Variants in RBFOX1 observed in about 807,000 individuals in gnomAD.
The protein encoded by RBFOX1 is RNA binding protein fox-1 homolog 1.
Under a neutral mutation model 57.7 loss-of-function variants are expected in RBFOX1, and 8 were observed. The ratio of observed to expected loss-of-function variants is 0.14; its 90% confidence interval spans 0.08 to 0.25. RBFOX1 has a LOEUF of 0.25. Ranked by LOEUF, RBFOX1 falls within the 10% of genes least tolerant of loss-of-function variation. RBFOX1 has a pLI of 1.00. For missense variants in RBFOX1, 611 were observed against 548.5 expected (o/e 1.11, Z -1.14); for synonymous variants, 326 against 222.4 (o/e 1.47, Z -4.15).
At chr16:6,601,214 G>T (rs1483382367) in intron 2 of RBFOX1, among the ~76,000 whole-genome samples, 6 of 152,116 alleles carry the variant, frequency 3.9e-5, no homozygotes, top group East Asian at 1.9e-4. Flanking sequence ...TGAAATGGAA[G>T]AGTCTTTTTT....
At chr16:6,412,742 C>G (rs2093499032) in intron 2 of RBFOX1, among the ~76,000 whole-genome samples, 1 of 152,028 alleles carries the variant, frequency 6.6e-6, no homozygotes, top group Admixed American at 6.6e-5. Flanking sequence ...ATGTGAAGCA[C>G]TTACTTAGTT....
chr16:7,627,074 G>A (rs2060183130), intron 10 of RBFOX1, among the ~76,000 whole-genome samples: 1 of 150,736 alleles, frequency 6.6e-6, no homozygotes, highest in African/African-American at 2.4e-5. Flanking sequence ...GGAGAGAAGA[G>A]GTCACTTTTA....
chr16:6,451,723 A>C (rs2094628410), intron 2 of RBFOX1, among the ~76,000 whole-genome samples: 1 of 152,094 alleles, frequency 6.6e-6, no homozygotes, highest in Non-Finnish European at 1.5e-5. Context: ...TTCTTGGCTC[A>C]CACCACCACA....
intron 4 of RBFOX1, among the ~76,000 whole-genome samples, chr16:5,879,623 CCTGAT>C (rs2057712038): frequency 6.6e-6 from 1 of 152,286 alleles, no homozygotes; most frequent in East Asian, 1.9e-4. Context: ...AGCCACCACG[CCTGAT>C]CTATTTTCTT....
intron 3 of RBFOX1, among the ~76,000 whole-genome samples, chr16:6,985,275 TTA>T (rs1234631779): frequency 4.6e-5 from 7 of 152,212 alleles, no homozygotes; most frequent in Non-Finnish European, 1.0e-4. Context: ...GGAATATATC[TTA>T]TGTTTTTACA....
chr16:7,130,334 C>A (rs114835482), intron 4 of RBFOX1, among the ~76,000 whole-genome samples: 3 of 152,118 alleles, frequency 2.0e-5, no homozygotes, highest in Admixed American at 1.3e-4. Context: ...CCACGCCAGG[C>A]CTGAAGACTG....
intron 5 of RBFOX1, among the ~76,000 whole-genome samples, chr16:7,552,101 C>T (rs376598125): frequency 1.3e-5 from 2 of 152,194 alleles, no homozygotes; most frequent in East Asian, 3.9e-4. Flanking sequence ...TTATCTCATT[C>T]TCTCCACCAC....
chr16:5,626,617 C>T (rs773750035), intron 3 of RBFOX1, among the ~76,000 whole-genome samples: 2 of 152,170 alleles, frequency 1.3e-5, no homozygotes, highest in East Asian at 1.9e-4. Flanking sequence ...TTTTCAGCCT[C>T]TTCTCCCGCC....
chr16:7,110,275 C>T (rs1369787599), intron 4 of RBFOX1, among the ~76,000 whole-genome samples: 1 of 151,932 alleles, frequency 6.6e-6, no homozygotes, highest in African/African-American at 2.4e-5. Context: ...GCAGAAGGAT[C>T]CCCGGAACCT....
At chr16:6,171,332 C>A (rs1217537773) in intron 1 of RBFOX1, among the ~76,000 whole-genome samples, 1 of 152,192 alleles carries the variant, frequency 6.6e-6, no homozygotes, top group South Asian at 2.1e-4. Flanking sequence ...TTTCATGCAT[C>A]CCCTATTGTT....
At chr16:5,985,135 G>T (rs928127203) in intron 4 of RBFOX1, among the ~76,000 whole-genome samples, 5 of 150,760 alleles carry the variant, frequency 3.3e-5, no homozygotes, top group African/African-American at 1.2e-4. Context: ...ACAGGCACCC[G>T]CCACCATACC....
chr16:6,813,150 G>A (rs2089184134), intron 3 of RBFOX1, among the ~76,000 whole-genome samples: 1 of 150,100 alleles, frequency 6.7e-6, no homozygotes, highest in Non-Finnish European at 1.5e-5. Context: ...ACCTTTGTAT[G>A]GTTAAATATC....
At chr16:6,239,857 C>G (rs913669098) in intron 1 of RBFOX1, among the ~76,000 whole-genome samples, 2 of 152,072 alleles carry the variant, frequency 1.3e-5, no homozygotes, top group Admixed American at 1.3e-4. Flanking sequence ...TTATTGACAT[C>G]ATAAAAATAG....
At chr16:7,268,772 G>C (rs369438684) in intron 4 of RBFOX1, among the ~76,000 whole-genome samples, 3 of 151,972 alleles carry the variant, frequency 2.0e-5, no homozygotes, top group African/African-American at 7.3e-5. Flanking sequence ...AGTGGCTCAC[G>C]CCTGTAATCA....
At chr16:7,000,340 G>A (rs767140785) in intron 3 of RBFOX1, among the ~76,000 whole-genome samples, 3 of 151,912 alleles carry the variant, frequency 2.0e-5, no homozygotes, top group Admixed American at 6.6e-5. Context: ...AAAATTAGTC[G>A]ATACATCTCT....
chr16:7,251,116 C>T (rs1230923104), intron 4 of RBFOX1, among the ~76,000 whole-genome samples: 2 of 152,112 alleles, frequency 1.3e-5, no homozygotes, highest in South Asian at 2.1e-4. Context: ...ACTATTCCTC[C>T]TATCTAACTG....
At chr16:6,391,509 C>CAAA (rs538935947) in intron 2 of RBFOX1, among the ~76,000 whole-genome samples, 2 of 78,338 alleles carry the variant, frequency 2.6e-5, no homozygotes, top group African/African-American at 8.3e-5. Context: ...GACTCCGTCT[C>CAAA]AAAAAAAAAA....
intron 3 of RBFOX1, among the ~76,000 whole-genome samples, chr16:6,926,162 C>T (rs959157803): frequency 1.3e-5 from 2 of 151,928 alleles, no homozygotes; most frequent in Non-Finnish European, 2.9e-5. Flanking sequence ...AAAAAACTAG[C>T]TGGGCATGGT....
At chr16:7,514,512 G>A (rs1359446555) in intron 4 of RBFOX1, among the ~76,000 whole-genome samples, 1 of 152,172 alleles carries the variant, frequency 6.6e-6, no homozygotes, top group African/African-American at 2.4e-5. Context: ...CTGTGGCAGT[G>A]CTTGGTGCTG....
Sources: gnomAD v4.1 joint callset for allele counts (sites outside exome capture counted in the v4.1 genomes callset) on GRCh38, gnomAD v4.1.1 for gene constraint, MANE v1.5 for transcripts, NCBI Gene and HGNC (gene_info 2026-07-23, HGNC 2026-07-21) for gene names.